Variants in PNPT1 observed in about 807,000 individuals in gnomAD.
The protein encoded by PNPT1 is polyribonucleotide nucleotidyltransferase 1.
In PNPT1, 53 loss-of-function variants were observed where a neutral mutation model predicts 119.5. The observed-to-expected ratio is 0.44, with a 90% CI of 0.36 to 0.56. PNPT1 has a LOEUF of 0.56. Ranked by LOEUF, PNPT1 falls within the 20% of genes least tolerant of loss-of-function variation. The pLI, the probability that PNPT1 is intolerant of heterozygous loss-of-function variation, is 0.00. For missense variants in PNPT1, 948 were observed against 938.5 expected (o/e 1.01, Z -0.13); for synonymous variants, 357 against 322.1 (o/e 1.11, Z -1.16).
chr2:55,650,692 T>G (rs1408359771), intron 18 of PNPT1, among the ~76,000 whole-genome samples: 5 of 132,720 alleles, frequency 3.8e-5, no homozygotes, highest in Admixed American at 7.6e-5. Flanking sequence ...CCGTCCGGGA[T>G]GTGAGGAGCG....
intron 10 of PNPT1, among the ~76,000 whole-genome samples, 175 bp from the exon 11 acceptor site, chr2:55,671,551 T>A (rs1696914637): frequency 6.6e-6 from 1 of 152,238 alleles, no homozygotes; most frequent in South Asian, 2.1e-4. Flanking sequence ...TTCATTCAAA[T>A]ACATTTGTAC....
At chr2:55,667,596 A>C (rs1295332362) in intron 12 of PNPT1, among the ~76,000 whole-genome samples, 1 of 151,854 alleles carries the variant, frequency 6.6e-6, no homozygotes, top group African/African-American at 2.4e-5. Flanking sequence ...AAAAAAAAAA[A>C]ACAAAAAACA....
At chr2:55,686,235 G>T in intron 3 of PNPT1, 135 bp downstream of exon 3, 2 of 700,568 alleles carry the variant, frequency 2.9e-6, no homozygotes, top group Non-Finnish European at 4.7e-6. Context: ...TAATGAATCA[G>T]TATCAAAAAA....
intron 15 of PNPT1, among the ~76,000 whole-genome samples, chr2:55,658,483 T>C (rs1696461799): frequency 6.6e-6 from 1 of 152,178 alleles, no homozygotes; most frequent in South Asian, 2.1e-4. Context: ...CTTATAAAAA[T>C]GTATTAAGCC....
rs1695641289 is a variant in PNPT1, at chr2:55,635,474, C to T, written c.*763G>A. On this transcript the variant is annotated 3_prime_UTR_variant, in exon 28 of 28. Transcript: ENST00000447944. ...GGATTACAGGCATGCGCCACCACGC[C>T]CGGCTAATTTTTGCACTTTTAGTAG... The T allele has an allele frequency of 6.6e-6, 1 of 152,218 alleles. No individual in the cohort carries two copies. Among genetic ancestry groups the T allele is most frequent in the South Asian group, 2.1e-4 (1 of 4,830 alleles). The allele number at this position is 152,218 out of a possible 1,614,324, so 9.4% of individuals were successfully genotyped here. A position where few individuals can be genotyped will look rare whatever the true frequency, so the allele number is the denominator to read the frequency against.
At chr2:55,642,589 G>T in intron 25 of PNPT1, among the ~76,000 whole-genome samples, 1 of 117,846 alleles carries the variant, frequency 8.5e-6, no homozygotes, top group Admixed American at 1.1e-4. Flanking sequence ...CTGGGTGACA[G>T]AGCGAGACTC....
At chr2:55,662,416 C>T (rs1160627419) in intron 13 of PNPT1, among the ~76,000 whole-genome samples, 1 of 152,180 alleles carries the variant, frequency 6.6e-6, no homozygotes, top group Non-Finnish European at 1.5e-5. Context: ...GTGGCCCACA[C>T]CTGTAATCCC....
At chr2:55,676,988 A>T (rs1363936522) in intron 8 of PNPT1, among the ~76,000 whole-genome samples, 1 of 152,182 alleles carries the variant, frequency 6.6e-6, no homozygotes. Flanking sequence ...CTTGGACCCG[A>T]TGTTAACTTT....
intron 18 of PNPT1, among the ~76,000 whole-genome samples, chr2:55,651,082 GC>G (rs1210856436): frequency 2.9e-4 from 39 of 136,458 alleles, no homozygotes; most frequent in Non-Finnish European, 4.9e-4. Flanking sequence ...GGGGGGGTCA[GC>G]CCCCCCGCCC....
At chr2:55,646,821 A>C (rs1402591934) in intron 19 of PNPT1, among the ~76,000 whole-genome samples, 1 of 152,090 alleles carries the variant, frequency 6.6e-6, no homozygotes, top group African/African-American at 2.4e-5. Context: ...ATTTTTTTAA[A>C]GTAATCATTT....
At chr2:55,686,647 G>A (rs1035847633) in intron 2 of PNPT1, among the ~76,000 whole-genome samples, 13 of 152,212 alleles carry the variant, frequency 8.5e-5, no homozygotes, top group African/African-American at 3.1e-4. Flanking sequence ...AATAAGGAAA[G>A]ATTAACAGGT....
chr2:55,650,375 C>A (rs1014353795), intron 18 of PNPT1, among the ~76,000 whole-genome samples: 1 of 152,244 alleles, frequency 6.6e-6, no homozygotes, highest in Admixed American at 6.5e-5. Context: ...CAGCTCCTAA[C>A]TGCGAGTGAT....
At chr2:55,637,431 A>C (rs1559083794) in intron 27 of PNPT1, 121 bp downstream of exon 27, 3 of 820,888 alleles carry the variant, frequency 3.7e-6, no homozygotes, top group African/African-American at 1.7e-5. Context: ...TTAAAAATGA[A>C]GTACTGCATA....
rs184093082 is a variant in PNPT1 at position 55,646,631 on chromosome 2, C to T, written c.1603-145G>A. The T allele has an allele frequency of 2.3e-5, 14 of 611,414 alleles. No individual in the cohort carries two copies. The East Asian group carries it at 2.6e-4, about 11-fold the overall frequency. The allele number at this position is 611,414 out of a possible 1,614,324, so 37.9% of individuals were successfully genotyped here. On this transcript the variant is annotated intron_variant, in intron 19 of 27. Coordinates refer to ENST00000447944, the MANE Select transcript of PNPT1 (RefSeq NM_033109.5). Reference sequence around the variant, plus strand: ...AAGCAATGTTTTCTACATTAACTACCACTTCCAATTTGTGACTTTTTAAGC... The same window carrying T: ...AAGCAATGTTTTCTACATTAACTACTACTTCCAATTTGTGACTTTTTAAGC...
chr2:55,646,707 C>T (rs1289541601), intron 19 of PNPT1, among the ~76,000 whole-genome samples: 1 of 152,130 alleles, frequency 6.6e-6, no homozygotes, highest in African/African-American at 2.4e-5. Flanking sequence ...CATTCCTTTC[C>T]CTCATAAATG....
At chr2:55,689,017 G>A (rs1438967179) in intron 1 of PNPT1, among the ~76,000 whole-genome samples, 1 of 152,080 alleles carries the variant, frequency 6.6e-6, no homozygotes, top group Non-Finnish European at 1.5e-5. Context: ...CAAAACACAG[G>A]AGTAAATCTT....
intron 11 of PNPT1, among the ~76,000 whole-genome samples, chr2:55,669,721 G>A (rs1029708139): frequency 6.6e-6 from 1 of 151,188 alleles, no homozygotes; most frequent in Non-Finnish European, 1.5e-5. Flanking sequence ...CATATTCAAT[G>A]ACAGTTACAA....
In PNPT1 at chr2:55,661,937, T is replaced by C. The variant is rs753668753; in HGVS notation, c.1247+19A>G. 3.0e-5 allele frequency: 46 copies of C among 1,537,236 alleles called. No individual in the cohort carries two copies. The highest frequency in any genetic ancestry group is 1.0e-5 in the Non-Finnish European group (12 of 1,146,518). The stretch of plus-strand genomic sequence containing the variant: ...AGAACATCATAAAACGTAACAAACA[T>C]CTTAAAAACATAACTTACTTTATAG... On this transcript the variant is annotated intron_variant, in intron 14 of 27. Coordinates refer to ENST00000447944, the MANE Select transcript of PNPT1 (RefSeq NM_033109.5).
At chr2:55,640,741 ATAAG>A in intron 25 of PNPT1, 36 bp from the exon 26 acceptor site, 3 of 1,349,000 alleles carry the variant, frequency 2.2e-6, no homozygotes, top group Non-Finnish European at 3.2e-6. Context: ...GGTTAAAATA[ATAAG>A]TATCTGTATA....
Sources: gnomAD v4.1 joint callset for allele counts (sites outside exome capture counted in the v4.1 genomes callset) on GRCh38, gnomAD v4.1.1 for gene constraint, MANE v1.5 for transcripts, NCBI Gene and HGNC (gene_info 2026-07-23, HGNC 2026-07-21) for gene names.